Variants in SYT12 observed in about 807,000 individuals in gnomAD.
SYT12 encodes the protein synaptotagmin-12.
In SYT12, 27 loss-of-function variants were observed where a neutral mutation model predicts 39.5. That is an observed-to-expected ratio of 0.68 (90% CI 0.50 to 0.94). The LOEUF (loss-of-function observed/expected upper bound fraction) is 0.94. Among genes scored for constraint, SYT12 ranks in the 40% least tolerant of loss-of-function variants. The probability of loss-of-function intolerance (pLI) is 0.00; values close to 1 mark genes in which losing one functional copy is unlikely to be tolerated. For missense variants in SYT12, 536 were observed against 572.6 expected, an observed-to-expected ratio of 0.94 and a Z score of 0.65; for synonymous variants, 233 against 239.7, an observed-to-expected ratio of 0.97 and a Z score of 0.26.
At position 67,030,280 on chromosome 11, in the gene SYT12, A is replaced by G. The variant is rs1170198399; in HGVS notation, c.34+102A>G. ...GGGACATGAATAATTAGTCCTTGCC[A>G]TTAATGTCTTCACTGTCAAGGACAG... On this transcript the variant is annotated intron_variant, in intron 2 of 7. Coordinates refer to ENST00000527043, the MANE Select transcript of SYT12 (RefSeq NM_177963.4). 7 of 1,350,814 alleles carry G rather than the reference A, an allele frequency of 5.2e-6. No homozygotes were observed. The East Asian group carries it at 1.4e-4, about 27-fold the overall frequency. 83.7% of individuals were successfully genotyped at this position (1,350,814 alleles called of 1,614,324 possible). A position where few individuals can be genotyped will look rare whatever the true frequency, so the allele number is the denominator to read the frequency against.
At chr11:67,032,400 T>A (rs1950286445) in intron 2 of SYT12, 1 of 152,234 alleles carries the variant, frequency 6.6e-6, no homozygotes, top group Non-Finnish European at 1.5e-5. Context: ...ATTTTCCCTT[T>A]AGAATAAATT....
chr11:67,040,334 G>A, intron 4 of SYT12, 131 bp downstream of exon 4: 2 of 1,291,988 alleles, frequency 1.5e-6, no homozygotes, highest in Non-Finnish European at 2.1e-6. Flanking sequence ...TGATCCCAGA[G>A]CTGAAGCTTC....
In SYT12 at chr11:67,034,798, A is replaced by C. The variant is rs1565336187; in HGVS notation, c.188A>C (p.Gln63Pro). 6.3e-7 allele frequency: 1 copy of C among 1,589,728 alleles called. No individual in the cohort carries two copies. Among genetic ancestry groups the C allele is most frequent in the Non-Finnish European group, 8.5e-7 (1 of 1,171,184 alleles). The change falls in exon 3 of 8, where the codon CAG (glutamine) becomes CCG (proline). Residue 63 changes from glutamine (Q) to proline (P), a missense_variant. Physicochemically the swap from Gln to Pro is moderately conservative, Grantham distance 76 (BLOSUM62 -1). Transcript: ENST00000527043. Reference sequence around the variant, plus strand: ...CCCAATTACGACTACAGGTACCTTCAGCAGAAGTACGGCGAGAGCTGCGCA... The same window carrying C: ...CCCAATTACGACTACAGGTACCTTCCGCAGAAGTACGGCGAGAGCTGCGCA... The part of the protein sequence containing the change: ...PFPNYDYRYL[Q>P]QKYGESCAEA...
chr11:67,029,835 AAG>A (rs1159875716), intron 1 of SYT12: 1 of 336,280 alleles, frequency 3.0e-6, no homozygotes, highest in Non-Finnish European at 5.5e-6. Context: ...CTGGGCAACA[AAG>A]AGAGACTCCA....
intron 1 of SYT12, chr11:67,027,203 G>A (rs934686513): frequency 6.6e-6 from 1 of 152,504 alleles, no homozygotes; most frequent in African/African-American, 2.4e-5. Context: ...GCACCAGGCT[G>A]GAACATATGT....
chr11:67,007,056 A>C (rs992070364), exon 1 of SYT12: 1 of 152,290 alleles, frequency 6.6e-6, no homozygotes, highest in Non-Finnish European at 1.5e-5. Flanking sequence ...AGGATGAGCA[A>C]GTTACGGGAG....
intron 4 of SYT12, among the ~76,000 whole-genome samples, chr11:67,042,631 G>A (rs571944957): frequency 6.6e-6 from 1 of 152,282 alleles, no homozygotes; most frequent in East Asian, 1.9e-4. Context: ...TGGCTGGTTG[G>A]GGAGCCCAGG....
intron 4 of SYT12, among the ~76,000 whole-genome samples, chr11:67,043,086 G>A (rs532808739): frequency 3.3e-5 from 5 of 152,282 alleles, no homozygotes; most frequent in South Asian, 4.1e-4. Flanking sequence ...CTTCCCAGGG[G>A]GCCTGCCCAC....
chr11:67,033,229 C>T (rs1327753978), intron 2 of SYT12, among the ~76,000 whole-genome samples: 1 of 152,008 alleles, frequency 6.6e-6, no homozygotes, highest in African/African-American at 2.4e-5. Context: ...CTCCTGTTGC[C>T]GTGGCCTGGC....
At chr11:67,025,749 G>C (rs1419009686) in intron 1 of SYT12, among the ~76,000 whole-genome samples, 1 of 152,160 alleles carries the variant, frequency 6.6e-6, no homozygotes, top group Non-Finnish European at 1.5e-5. Context: ...CACTGGTTGG[G>C]TGACCTCGGG....
At chr11:67,022,703 C>G (rs1431065648), upstream of SYT12, 1 of 149,928 alleles carries the variant, frequency 6.7e-6, no homozygotes, top group Non-Finnish European at 1.5e-5. Context: ...GGTCACCTCT[C>G]TGAGCCTGTT....
rs151264051 is a variant in SYT12, at chr11:67,040,127, G to A, written c.545G>A (p.Arg182Gln). The change falls in exon 4 of 8, where the codon CGG (arginine) becomes CAG (glutamine). Residue 182 changes from arginine (R) to glutamine (Q), a missense_variant. By Grantham distance (43) the Arg-to-Gln change is conservative. Coordinates refer to ENST00000527043, the MANE Select transcript of SYT12 (RefSeq NM_177963.4). Reference sequence around the variant, plus strand: ...ATGCAGGGCAAGGACCTCCTGGAGCGGGAGGAGGCCAGCTTCGAGTCCTGC... The same window carrying A: ...ATGCAGGGCAAGGACCTCCTGGAGCAGGAGGAGGCCAGCTTCGAGTCCTGC... ...AVMQGKDLLE[R>Q]EEASFESCFM... The A allele has an allele frequency of 6.7e-5, 108 of 1,612,072 alleles. No homozygotes were observed. In the East Asian group the frequency reaches 1.2e-3, roughly 19 times the overall value.
At chr11:67,023,801 G>C (rs1158029436) in intron 1 of SYT12, among the ~76,000 whole-genome samples, 1 of 152,210 alleles carries the variant, frequency 6.6e-6, no homozygotes, top group Non-Finnish European at 1.5e-5. Context: ...CACTGTCCCT[G>C]CTCTGGCTTC....
chr11:67,043,974 GC>G, intron 5 of SYT12, 121 bp downstream of exon 5: 1 of 981,900 alleles, frequency 1.0e-6, no homozygotes, highest in Non-Finnish European at 1.5e-6. Flanking sequence ...CATTAGGAGA[GC>G]AGAGAAGAAG....
intron 3 of SYT12, among the ~76,000 whole-genome samples, chr11:67,011,282 A>G (rs2136192973): frequency 6.6e-6 from 1 of 152,228 alleles, no homozygotes; most frequent in East Asian, 1.9e-4. Flanking sequence ...TGGTCTTGTC[A>G]CCCAGGTTGG....
intron 7 of SYT12, among the ~76,000 whole-genome samples, chr11:67,047,631 C>T (rs1288921506): frequency 6.6e-6 from 1 of 151,398 alleles, no homozygotes. Context: ...GCCCAAGTCA[C>T]TGCCCAAGGT....
At chr11:67,046,324 A>G (rs1269981102) in intron 7 of SYT12, among the ~76,000 whole-genome samples, 1 of 152,172 alleles carries the variant, frequency 6.6e-6, no homozygotes, top group Non-Finnish European at 1.5e-5. Flanking sequence ...TGCTCCAGGG[A>G]GACCTCTCCC....
At chr11:67,031,710 T>G (rs1320446032) in intron 2 of SYT12, 1 of 152,170 alleles carries the variant, frequency 6.6e-6, no homozygotes, top group African/African-American at 2.4e-5. Flanking sequence ...GGGCTTTTCC[T>G]TCTGTGCCCC....
Position 67,049,024 on chromosome 11 carries a change from C to T in SYT12, c.*267C>T. The T allele has an allele frequency of 2.5e-6, 1 of 393,940 alleles. No homozygotes were observed. Among genetic ancestry groups the T allele is most frequent in the South Asian group, 7.3e-5 (1 of 13,754 alleles). 24.4% of individuals were successfully genotyped at this position (393,940 alleles called of 1,614,324 possible). A position where few individuals can be genotyped will look rare whatever the true frequency, so the allele number is the denominator to read the frequency against. ...CTCAACCCTGCTCCTCCCGGTAGGC[C>T]AGCTGCCGAGCTGGGCTATGTTCTG... On this transcript the variant is annotated 3_prime_UTR_variant, in exon 8 of 8. Transcript: ENST00000527043.
Sources: allele counts gnomAD v4.1 joint callset (sites outside exome capture counted in the v4.1 genomes callset), GRCh38; gene constraint gnomAD v4.1.1; transcripts MANE v1.5; gene names NCBI Gene and HGNC (gene_info 2026-07-23, HGNC 2026-07-21).